Variants in BAZ2B observed in about 807,000 individuals in gnomAD.
BAZ2B encodes bromodomain adjacent to zinc finger domain protein 2B.
BAZ2B carries 91 observed loss-of-function variants against 246.0 expected under a neutral mutation model. The observed-to-expected ratio is 0.37, with a 90% confidence interval of 0.31 to 0.44. The LOEUF (loss-of-function observed/expected upper bound fraction) is 0.44, where lower values mean the gene tolerates loss of function less well. Among genes scored for constraint, BAZ2B ranks in the 20% least tolerant of loss-of-function variants. The probability of loss-of-function intolerance (pLI) is 1.00; values close to 1 mark genes in which losing one functional copy is unlikely to be tolerated. For synonymous variants in BAZ2B, 855 were observed against 860.0 expected (o/e 0.99, Z 0.10); for missense variants, 2,332 against 2,533.7 (o/e 0.92, Z 1.71).
At position 159,427,989 on chromosome 2, in the gene BAZ2B, A is replaced by G; in HGVS notation, c.2418T>C (p.Ser806=). ...AGAAGTCACCCACTCTTATTTTTGC[A>G]CTGAAGCTGAAATTGTCCCTTGAGA... ...MDISRDNFSF[S]AKIRVGDFYE... is the part of the protein sequence containing the mutation. Residue 806 remains serine, a synonymous_variant, in exon 13 of 37, where the codon AGT becomes AGC. Coordinates refer to ENST00000392783, the MANE Select transcript of BAZ2B (RefSeq NM_013450.4). 6.2e-7 allele frequency: 1 copy of G among 1,613,502 alleles called. No homozygotes were observed. The highest frequency in any genetic ancestry group is 8.5e-7 in the Non-Finnish European group (1 of 1,179,542).
At chr2:159,418,738 T>G (rs1400206049) in intron 13 of BAZ2B, among the ~76,000 whole-genome samples, 1 of 152,212 alleles carries the variant, frequency 6.6e-6, no homozygotes, top group Non-Finnish European at 1.5e-5. Context: ...AAGACTGGGA[T>G]GCAGCAATTT....
chr2:159,326,701 A>G (rs1447048622), intron 34 of BAZ2B, among the ~76,000 whole-genome samples: 1 of 152,206 alleles, frequency 6.6e-6, no homozygotes, highest in Non-Finnish European at 1.5e-5. Flanking sequence ...CATACTTGCT[A>G]AAGTCATTCT....
the BAZ2B span, among the ~76,000 whole-genome samples, chr2:159,710,212 C>CTTT: frequency 1.3e-4 from 18 of 143,762 alleles, 1 homozygote; most frequent in South Asian, 2.2e-4. Flanking sequence ...AGCAAAATGT[C>CTTT]TTTTTTTTTT....
At chr2:159,362,141 T>TA (rs919493398) in intron 27 of BAZ2B, among the ~76,000 whole-genome samples, 19 of 142,588 alleles carry the variant, frequency 1.3e-4, no homozygotes, top group South Asian at 9.5e-4. Context: ...ACAAACAAAT[T>TA]AAAAAAAAAC....
chr2:159,531,647 A>G (rs758157409), intron 2 of BAZ2B, among the ~76,000 whole-genome samples: 2 of 152,042 alleles, frequency 1.3e-5, no homozygotes, highest in Non-Finnish European at 2.9e-5. Flanking sequence ...CAAAGCTGCC[A>G]TTTTTCTTCC....
At chr2:159,577,860 C>T (rs1227559242) in intron 1 of BAZ2B, among the ~76,000 whole-genome samples, 4 of 152,100 alleles carry the variant, frequency 2.6e-5, no homozygotes, top group Admixed American at 2.6e-4. Context: ...GCTTTTCAAG[C>T]TATTCTTAAA....
chr2:159,448,090 C>T, intron 5 of BAZ2B, 152 bp downstream of exon 5: 1 of 859,608 alleles, frequency 1.2e-6, no homozygotes, highest in East Asian at 2.9e-5. Context: ...TACAACTGTA[C>T]TCCAGCCTGG....
intron 1 of BAZ2B, among the ~76,000 whole-genome samples, chr2:159,595,392 CTTTT>C (rs1048675195): frequency 2.6e-5 from 4 of 152,106 alleles, no homozygotes; most frequent in African/African-American, 9.7e-5. Context: ...TAAACATACA[CTTTT>C]GTTTCTTGTT....
chr2:159,593,465 T>C (rs1689871374), intron 1 of BAZ2B, among the ~76,000 whole-genome samples: 1 of 152,210 alleles, frequency 6.6e-6, no homozygotes, highest in African/African-American at 2.4e-5. Flanking sequence ...TTGGGGGTTG[T>C]TTTTTGTGGT....
the BAZ2B span, among the ~76,000 whole-genome samples, chr2:159,665,230 T>C: frequency 3.2e-5 from 2 of 62,566 alleles, no homozygotes; most frequent in African/African-American, 6.8e-5. Flanking sequence ...GAACATTCCA[T>C]GCTCATGGGT....
intron 12 of BAZ2B, 126 bp from the exon 13 acceptor site, chr2:159,428,168 C>A: frequency 9.1e-7 from 1 of 1,096,236 alleles, no homozygotes; most frequent in African/African-American, 1.6e-5. Context: ...TATAGGAGAT[C>A]AATTTAGGTT....
the BAZ2B span, among the ~76,000 whole-genome samples, chr2:159,697,491 G>T: frequency 6.6e-6 from 1 of 152,134 alleles, no homozygotes; most frequent in Non-Finnish European, 1.5e-5. Context: ...TTATGCAAAA[G>T]GAGCTACTTG....
At chr2:159,326,880 T>G (rs565820827) in intron 34 of BAZ2B, among the ~76,000 whole-genome samples, 3 of 152,288 alleles carry the variant, frequency 2.0e-5, no homozygotes, top group African/African-American at 7.2e-5. Context: ...TAATAGATCA[T>G]GAAAGAAAGA....
chr2:159,322,555 C>T (rs2062842601), intron 36 of BAZ2B, among the ~76,000 whole-genome samples: 1 of 152,160 alleles, frequency 6.6e-6, no homozygotes, highest in Non-Finnish European at 1.5e-5. Context: ...GATTTGAGAA[C>T]TACTTCTGCC....
At chr2:159,486,575 GGCTTTTC>G (rs2079855778) in intron 2 of BAZ2B, among the ~76,000 whole-genome samples, 1 of 151,170 alleles carries the variant, frequency 6.6e-6, no homozygotes, top group Non-Finnish European at 1.5e-5. Flanking sequence ...AAAAAATGTG[GGCTTTTC>G]TTTTTCTTCT....
intron 2 of BAZ2B, among the ~76,000 whole-genome samples, chr2:159,505,378 T>C (rs759535085): frequency 6.6e-6 from 1 of 152,152 alleles, no homozygotes; most frequent in African/African-American, 2.4e-5. Context: ...ACAAGGCCCA[T>C]CTCCAGATCA....
At chr2:159,463,325 A>G (rs1434223233) in intron 3 of BAZ2B, 1 of 275,222 alleles carries the variant, frequency 3.6e-6, no homozygotes, top group Non-Finnish European at 7.2e-6. Context: ...TCTATTGTTA[A>G]TCGTTCTGCA....
At chr2:159,385,497 A>C in intron 22 of BAZ2B, 128 bp from the exon 23 acceptor site, 1 of 573,776 alleles carries the variant, frequency 1.7e-6, no homozygotes, top group African/African-American at 1.9e-5. Context: ...CTTTTTTTTT[A>C]ATGAAAGAGA....
At chr2:159,435,692 T>C (rs1446346399) in intron 8 of BAZ2B, 1 of 152,266 alleles carries the variant, frequency 6.6e-6, no homozygotes, top group Non-Finnish European at 1.5e-5. Flanking sequence ...TTTCACCATG[T>C]TGGCCAGGCT....
Sources: gnomAD v4.1 joint callset for allele counts (sites outside exome capture counted in the v4.1 genomes callset) on GRCh38, gnomAD v4.1.1 for gene constraint, MANE v1.5 for transcripts, NCBI Gene and HGNC (gene_info 2026-07-23, HGNC 2026-07-21) for gene names.